Variants in NOVA1 observed in about 807,000 individuals in gnomAD.
NOVA1 encodes NOVA alternative splicing regulator 1.
NOVA1 carries 7 observed loss-of-function variants against 38.0 expected under a neutral mutation model. The observed-to-expected ratio is 0.18, with a 90% CI of 0.10 to 0.35. NOVA1 has a LOEUF of 0.35. Ranked by LOEUF, NOVA1 falls within the 10% of genes least tolerant of loss-of-function variation. NOVA1 has a pLI of 1.00. For synonymous variants in NOVA1, 270 were observed against 232.5 expected (o/e 1.16, Z -1.47); for missense variants, 460 against 616.0 (o/e 0.75, Z 2.68).
chr14:26,568,291 G>GTATT (rs1235810614), intron 2 of NOVA1: 1 of 152,056 alleles, frequency 6.6e-6, no homozygotes, highest in African/African-American at 2.4e-5. Flanking sequence ...GGGAACTCAA[G>GTATT]TATTTATGAG....
intron 2 of NOVA1, among the ~76,000 whole-genome samples, chr14:26,527,812 T>C (rs1408448782): frequency 2.0e-5 from 3 of 152,138 alleles, no homozygotes; most frequent in East Asian, 1.9e-4. Flanking sequence ...AATCAGACAA[T>C]AGTGTGGCCT....
intron 2 of NOVA1, among the ~76,000 whole-genome samples, chr14:26,540,506 A>T (rs1461730129): frequency 1.3e-5 from 2 of 152,236 alleles, no homozygotes; most frequent in Non-Finnish European, 2.9e-5. Flanking sequence ...CCATATTTTT[A>T]AAAATGGAAA....
At chr14:26,468,190 C>T (rs1315430894) in intron 4 of NOVA1, among the ~76,000 whole-genome samples, 2 of 152,032 alleles carry the variant, frequency 1.3e-5, no homozygotes, top group Non-Finnish European at 2.9e-5. Flanking sequence ...AGCAAACAGC[C>T]AAGTTTTGAA....
At chr14:26,583,881 T>TCACACACACACA (rs36218600) in intron 2 of NOVA1, among the ~76,000 whole-genome samples, 1 of 145,928 alleles carries the variant, frequency 6.9e-6, no homozygotes, top group South Asian at 2.2e-4. Flanking sequence ...AGCATCAAAT[T>TCACACACACACA]CACACACACA....
At chr14:26,474,914 A>G (rs1368124542) in intron 3 of NOVA1, among the ~76,000 whole-genome samples, 1 of 152,026 alleles carries the variant, frequency 6.6e-6, no homozygotes, top group Non-Finnish European at 1.5e-5. Context: ...CTGCTTTATA[A>G]ATTCAATTTA....
rs114589178 is a variant in NOVA1 at position 26,553,650 on chromosome 14, T to G, written c.280+41760A>C. On this transcript the variant is annotated intron_variant, in intron 2 of 4. Transcript: ENST00000539517. ...GCAAAGAGTGTAGTGAATGTGAAAG[T>G]AGCTGGACTTGAGCCTCCAGTTGAT... Among the ~76,000 whole-genome samples the G allele has an allele frequency of 4.2e-3, 643 of 152,220 alleles. 4 individuals carry two copies. The highest frequency in any genetic ancestry group is 0.015 in the African/African-American group (610 of 41,560).
Position 26,443,228 on chromosome 14 carries a change from A to C in NOVA1, c.*4731T>G, listed in dbSNP as rs1881822035. On this transcript the variant is annotated 3_prime_UTR_variant, in exon 5 of 5. Transcript: ENST00000539517. ...TTGTTTATATATCTATGGTAACCCA[A>C]GTATTGGCTTCTGTACCACTTTGTA... is the stretch of plus-strand genomic sequence containing the variant. 1 of 152,042 alleles carries C rather than the reference A, an allele frequency of 6.6e-6. No individual in the cohort carries two copies. Among genetic ancestry groups the C allele is most frequent in the Admixed American group, 6.5e-5 (1 of 15,268 alleles). 9.4% of individuals were successfully genotyped at this position (152,042 alleles called of 1,614,324 possible). A position where few individuals can be genotyped will look rare whatever the true frequency, so the allele number is the denominator to read the frequency against.
chr14:26,546,440 A>G (rs925589363), intron 2 of NOVA1, among the ~76,000 whole-genome samples: 1 of 152,214 alleles, frequency 6.6e-6, no homozygotes, highest in Admixed American at 6.5e-5. Flanking sequence ...AAAAATATGT[A>G]CCTAATTTAA....
chr14:26,513,919 C>T (rs1323913242), intron 2 of NOVA1, among the ~76,000 whole-genome samples: 1 of 151,440 alleles, frequency 6.6e-6, no homozygotes, highest in Non-Finnish European at 1.5e-5. Flanking sequence ...TAACTCTTTT[C>T]GAATAGCTAA....
intron 2 of NOVA1, among the ~76,000 whole-genome samples, chr14:26,554,734 A>C (rs1416391439): frequency 1.3e-5 from 2 of 152,188 alleles, no homozygotes; most frequent in Non-Finnish European, 2.9e-5. Context: ...GTTAGTACCA[A>C]TGAGGTAGTG....
chr14:26,577,635 A>G (rs183183217), intron 2 of NOVA1, among the ~76,000 whole-genome samples: 351 of 152,228 alleles, frequency 2.3e-3, no homozygotes, highest in Non-Finnish European at 3.5e-3. Context: ...CAGAATTGTG[A>G]CAGATTGGAT....
Position 26,597,805 on chromosome 14 carries a change from G to T in NOVA1, c.-369C>A. On this transcript the variant is annotated 5_prime_UTR_variant, in exon 1 of 5. Transcript: ENST00000539517. ...GGACCGGGGAGGACAGGCAGAGGGA[G>T]TGGGAGAGCGCGAGGGCTGGCGGGG... is the stretch of plus-strand genomic sequence containing the variant. The T allele has an allele frequency of 1.8e-6, 1 of 547,524 alleles. No homozygotes were observed. Among genetic ancestry groups the T allele is most frequent in the Non-Finnish European group, 2.4e-6 (1 of 425,504 alleles). The allele number at this position is 547,524 out of a possible 1,614,324, so 33.9% of individuals were successfully genotyped here. A position where few individuals can be genotyped will look rare whatever the true frequency, so the allele number is the denominator to read the frequency against.
intron 2 of NOVA1, among the ~76,000 whole-genome samples, chr14:26,525,749 G>A (rs1889248664): frequency 1.3e-5 from 2 of 152,000 alleles, no homozygotes; most frequent in South Asian, 4.1e-4. Flanking sequence ...CCCTTTACAA[G>A]TTTCTTGACA....
At chr14:26,510,805 G>A (rs10146932) in intron 2 of NOVA1, among the ~76,000 whole-genome samples, 37,876 of 151,934 alleles carry the variant, frequency 0.25, 5,559 homozygotes, top group African/African-American at 0.4. Context: ...ACCTGTCAGA[G>A]TTATTATAAA....
At chr14:26,490,688 T>G (rs563695855) in intron 2 of NOVA1, among the ~76,000 whole-genome samples, 8 of 152,184 alleles carry the variant, frequency 5.3e-5, no homozygotes, top group Admixed American at 2.6e-4. Context: ...GGTGTCTTTT[T>G]GTGTGTATGA....
chr14:26,470,326 C>T, intron 4 of NOVA1: 1 of 1,448,120 alleles, frequency 6.9e-7, no homozygotes, highest in Non-Finnish European at 9.4e-7. Context: ...TCCTTCTGCC[C>T]TACCACATGA....
intron 2 of NOVA1, among the ~76,000 whole-genome samples, chr14:26,512,099 A>G (rs963050069): frequency 6.6e-6 from 1 of 152,198 alleles, no homozygotes; most frequent in East Asian, 1.9e-4. Flanking sequence ...TATAATGTAA[A>G]GAAACCTTTA....
chr14:26,518,513 T>G (rs1239525180), intron 2 of NOVA1, among the ~76,000 whole-genome samples: 2 of 152,028 alleles, frequency 1.3e-5, no homozygotes, highest in East Asian at 3.9e-4. Flanking sequence ...TATTTTTAAG[T>G]TTCACTCTGA....
chr14:26,597,681 G>A lies in NOVA1; in HGVS notation c.-245C>T. On this transcript the variant is annotated 5_prime_UTR_variant, in exon 1 of 5. Transcript: ENST00000539517. ...AGTGTCAGAAAGGAGACAGGGGAAT[G>A]GAGGGGGTGTGAGAGACGGAGGGTG... is the stretch of plus-strand genomic sequence containing the variant. 1 of 1,183,178 alleles carries A rather than the reference G, an allele frequency of 8.5e-7. No homozygotes were observed. The highest frequency in any genetic ancestry group is 1.0e-6 in the Non-Finnish European group (1 of 959,748). The allele number at this position is 1,183,178 out of a possible 1,614,324, so 73.3% of individuals were successfully genotyped here.
Sources: allele counts gnomAD v4.1 joint callset (sites outside exome capture counted in the v4.1 genomes callset), GRCh38; gene constraint gnomAD v4.1.1; transcripts MANE v1.5; gene names NCBI Gene and HGNC (gene_info 2026-07-23, HGNC 2026-07-21).